Variants in RIN2 observed in about 807,000 individuals in gnomAD.
The protein encoded by RIN2 is RAB5 interacting protein 2.
Under a neutral mutation model 78.0 loss-of-function variants are expected in RIN2, and 36 were observed. The observed-to-expected ratio is 0.46, with a 90% CI of 0.35 to 0.61. The LOEUF (loss-of-function observed/expected upper bound fraction) is 0.61. Among genes scored for constraint, RIN2 ranks in the 20% least tolerant of loss-of-function variants. RIN2 has a pLI of 0.00. For missense variants in RIN2, 1,087 were observed against 1,159.7 expected (o/e 0.94, Z 0.91); for synonymous variants, 466 against 466.8 (o/e 1.00, Z 0.02).
rs1036884345 is a variant in RIN2, at chr20:19,965,126, T to A, written c.536+102T>A. The stretch of plus-strand genomic sequence containing the variant: ...GGATCTAGGAGGCTGGCCACCTATT[T>A]GATGTTGGCAGATTAAGACTGGTTA... On this transcript the variant is annotated intron_variant, in intron 7 of 12. Coordinates refer to ENST00000255006, the MANE Select transcript of RIN2 (RefSeq NM_018993.4). 9 of 920,138 alleles carry A rather than the reference T, an allele frequency of 9.8e-6. No individual in the cohort carries two copies. The African/African-American group carries it at 1.5e-4, about 15-fold the overall frequency. 57.0% of individuals were successfully genotyped at this position (920,138 alleles called of 1,614,324 possible).
intron 2 of RIN2, among the ~76,000 whole-genome samples, chr20:19,801,561 T>G (rs1220959981): frequency 6.6e-6 from 1 of 152,212 alleles, no homozygotes; most frequent in Non-Finnish European, 1.5e-5. Flanking sequence ...GACCTCGTGA[T>G]CCGCCCGCCT....
intron 2 of RIN2, among the ~76,000 whole-genome samples, chr20:19,879,969 C>T (rs910843214): frequency 1.3e-5 from 2 of 151,970 alleles, no homozygotes; most frequent in African/African-American, 2.4e-5. Context: ...TATTTTTTTC[C>T]AGACCGGTTG....
chr20:19,993,943 C>G (rs1401887517), intron 11 of RIN2, among the ~76,000 whole-genome samples: 1 of 152,166 alleles, frequency 6.6e-6, no homozygotes, highest in Non-Finnish European at 1.5e-5. Context: ...CTTAGAAAGT[C>G]GATTCTGTTG....
intron 3 of RIN2, among the ~76,000 whole-genome samples, chr20:19,924,343 ACCCCACCTCTTCATAC>A (rs2040091305): frequency 8.5e-5 from 1 of 11,728 alleles, no homozygotes; most frequent in African/African-American, 3.6e-4. Context: ...ACCTCTTCAT[ACCCCACCTCTTCATAC>A]CCCCACCTTC....
At chr20:19,936,054 C>G (rs2040626868) in intron 4 of RIN2, among the ~76,000 whole-genome samples, 1 of 152,160 alleles carries the variant, frequency 6.6e-6, no homozygotes. Flanking sequence ...TCTGGTTGTC[C>G]AGGCAAGTTT....
At chr20:19,814,641 C>G (rs972040307) in intron 2 of RIN2, among the ~76,000 whole-genome samples, 1 of 152,110 alleles carries the variant, frequency 6.6e-6, no homozygotes, top group Non-Finnish European at 1.5e-5. Flanking sequence ...GCCCTTTCAT[C>G]CAGGCTGGAG....
intron 2 of RIN2, chr20:19,886,848 A>C (rs2038220559): frequency 1.1e-6 from 1 of 907,614 alleles, no homozygotes; most frequent in South Asian, 1.7e-5. Flanking sequence ...CTGGGGTGAC[A>C]TCTGTGGGGA....
intron 2 of RIN2, among the ~76,000 whole-genome samples, chr20:19,803,606 G>T (rs1280960008): frequency 1.3e-5 from 2 of 152,166 alleles, no homozygotes; most frequent in Non-Finnish European, 2.9e-5. Flanking sequence ...ATGGATTAAA[G>T]ACTTAAATGT....
intron 2 of RIN2, among the ~76,000 whole-genome samples, chr20:19,828,322 G>A (rs759026940): frequency 1.8e-4 from 28 of 152,090 alleles, no homozygotes; most frequent in Non-Finnish European, 2.5e-4. Flanking sequence ...GTTCCTCCCC[G>A]TGAATCGGAA....
At chr20:19,930,440 A>G (rs1381026095) in intron 3 of RIN2, among the ~76,000 whole-genome samples, 1 of 152,218 alleles carries the variant, frequency 6.6e-6, no homozygotes, top group Non-Finnish European at 1.5e-5. Flanking sequence ...ACCCAGACAA[A>G]AACAGCCTGG....
At chr20:19,886,718 A>G (rs1323613770) in intron 2 of RIN2, 1 of 1,548,268 alleles carries the variant, frequency 6.5e-7, no homozygotes, top group African/African-American at 1.4e-5. Context: ...CAGGGAAGCC[A>G]GGAAAAGAAC....
Position 19,838,156 on chromosome 20 carries a change from C to T in RIN2, c.-37+38409C>T, listed in dbSNP as rs1215784415. Among the ~76,000 whole-genome samples the T allele has an allele frequency of 2.0e-5, 3 of 152,152 alleles. No individual in the cohort carries two copies. The East Asian group carries it at 5.8e-4, about 29-fold the overall frequency. On this transcript the variant is annotated intron_variant, in intron 2 of 12. Coordinates refer to ENST00000255006, the MANE Select transcript of RIN2 (RefSeq NM_018993.4). The stretch of plus-strand genomic sequence containing the variant: ...AACATGAAGTAACTTTTGCTAGTTA[C>T]ATTCTGACTTCTTTTTAAACAGATT...
chr20:19,767,012 C>A (rs984063548), intron 1 of RIN2, among the ~76,000 whole-genome samples: 1 of 152,048 alleles, frequency 6.6e-6, no homozygotes, highest in African/African-American at 2.4e-5. Flanking sequence ...AAAAGTTCTC[C>A]TTCACCTGCT....
At chr20:19,760,551 C>T (rs1004431406) in intron 1 of RIN2, among the ~76,000 whole-genome samples, 2 of 152,130 alleles carry the variant, frequency 1.3e-5, no homozygotes, top group Admixed American at 1.3e-4. Flanking sequence ...GGGTCACTAC[C>T]CACTTCAGGA....
chr20:19,939,850 C>CTTTT, intron 4 of RIN2, among the ~76,000 whole-genome samples: 1 of 145,168 alleles, frequency 6.9e-6, no homozygotes, highest in Non-Finnish European at 1.5e-5. Context: ...TCCATTCTTT[C>CTTTT]TTTTTTTTTT....
chr20:19,795,436 G>GT (rs1057499833), intron 1 of RIN2, among the ~76,000 whole-genome samples: 3 of 152,022 alleles, frequency 2.0e-5, no homozygotes, highest in Non-Finnish European at 2.9e-5. Flanking sequence ...TGCCTGGTGA[G>GT]TTTTTTTTCC....
At chr20:19,806,978 C>T (rs567501211) in intron 2 of RIN2, among the ~76,000 whole-genome samples, 14 of 152,308 alleles carry the variant, frequency 9.2e-5, no homozygotes, top group South Asian at 2.1e-4. Flanking sequence ...AGCTAGGTGA[C>T]GCTGCTTCCT....
At chr20:19,873,533 T>C (rs889108834) in intron 2 of RIN2, among the ~76,000 whole-genome samples, 5 of 152,198 alleles carry the variant, frequency 3.3e-5, no homozygotes, top group African/African-American at 9.6e-5. Context: ...GAAACAGCTA[T>C]AGACTATATG....
At chr20:19,965,303 C>A (rs1382757615) in intron 7 of RIN2, among the ~76,000 whole-genome samples, 1 of 152,158 alleles carries the variant, frequency 6.6e-6, no homozygotes, top group African/African-American at 2.4e-5. Flanking sequence ...TTCAGCCAGG[C>A]CCATCAAGCA....
Sources: allele counts gnomAD v4.1 joint callset (sites outside exome capture counted in the v4.1 genomes callset), GRCh38; gene constraint gnomAD v4.1.1; transcripts MANE v1.5; gene names NCBI Gene and HGNC (gene_info 2026-07-23, HGNC 2026-07-21).